Variants in NIN observed in about 807,000 individuals in gnomAD.
NIN encodes the protein glycogen synthase kinase 3 beta-interacting protein.
NIN carries 137 observed loss-of-function variants against 257.6 expected under a neutral mutation model. The observed-to-expected ratio is 0.53, with a 90% CI of 0.46 to 0.61. The LOEUF (loss-of-function observed/expected upper bound fraction) is 0.61. NIN is among the 20% of genes least tolerant of loss of function. NIN has a pLI of 0.00. For missense variants in NIN, 2,439 were observed against 2,501.2 expected, an observed-to-expected ratio of 0.98 and a Z score of 0.53; for synonymous variants, 918 against 919.8, an observed-to-expected ratio of 1.00 and a Z score of 0.04.
rs551403670 is a variant in NIN at position 50,804,625 on chromosome 14, C to A, written c.265+2112G>T. ...TGAGGCAGACACATAACTATGAAAC[C>A]ACCATCTGGAGCCAGATTTATAAAT... is the stretch of plus-strand genomic sequence containing the variant. On this transcript the variant is annotated intron_variant, in intron 4 of 30. Coordinates refer to ENST00000530997, the MANE Select transcript of NIN (RefSeq NM_020921.4). 1.3e-3 allele frequency among the ~76,000 whole-genome samples: 205 copies of A among 152,206 alleles called. 2 individuals carry two copies. The highest frequency in any genetic ancestry group is 3.8e-4 in the Non-Finnish European group (26 of 68,010).
Position 50,729,512 on chromosome 14 carries a change from G to A in NIN, c.6078+11C>T. On this transcript the variant is annotated intron_variant, in intron 29 of 30. Transcript: ENST00000530997. ...AACAGGTGATCTACTAGAGTAGAGA[G>A]AGCTTCATACCTGTGGTGTGTTGGT... The A allele has an allele frequency of 6.2e-7, 1 of 1,610,198 alleles. No individual in the cohort carries two copies.
chr14:50,742,550 C>A (rs56273711), intron 24 of NIN, among the ~76,000 whole-genome samples: 6,464 of 151,996 alleles, frequency 0.043, 197 homozygotes, highest in Non-Finnish European at 0.07. Flanking sequence ...CTTGCCACCG[C>A]GCTCGGCTAA....
At position 50,776,960 on chromosome 14, in the gene NIN, C is replaced by A. The variant is rs1185253688; in HGVS notation, c.655G>T (p.Val219Leu). ...ACTGCGAGGCTTACCTCTCCATCCA[C>A]ATTCTGTAAACCATACTGCTCACAG... ...SICEQYGLQN[V>L]DGEMLEEVFH... Residue 219 changes from valine (V) to leucine (L), a missense_variant, in exon 7 of 31, where the codon GTG becomes TTG. Transcript: ENST00000530997. 1 of 1,611,734 alleles carries A rather than the reference C, an allele frequency of 6.2e-7. No individual in the cohort carries two copies. Among genetic ancestry groups the A allele is most frequent in the Non-Finnish European group, 8.5e-7 (1 of 1,179,096 alleles).
intron 25 of NIN, among the ~76,000 whole-genome samples, chr14:50,740,758 A>T (rs1158235196): frequency 6.6e-6 from 1 of 152,230 alleles, no homozygotes; most frequent in Non-Finnish European, 1.5e-5. Context: ...CTGGGATTAC[A>T]GGCATGAGCC....
chr14:50,807,347 T>C (rs562974912), intron 3 of NIN, among the ~76,000 whole-genome samples: 11 of 152,310 alleles, frequency 7.2e-5, no homozygotes, highest in African/African-American at 2.4e-4. Flanking sequence ...CAAAAATCAA[T>C]AGCAAATGCA....
At chr14:50,823,243 T>A (rs745720142) in intron 2 of NIN, 1 of 576,372 alleles carries the variant, frequency 1.7e-6, no homozygotes, top group Non-Finnish European at 3.5e-6. Context: ...TGAAGATGCC[T>A]TCGCCATGAT....
Position 50,723,421 on chromosome 14 carries a change from T to C in NIN, c.*42A>G, listed in dbSNP as rs761207581. On this transcript the variant is annotated 3_prime_UTR_variant, in exon 31 of 31. Coordinates refer to ENST00000530997, the MANE Select transcript of NIN (RefSeq NM_020921.4). ...GAGAACCTACTGAAATGTTCATCTA[T>C]TTCAGTAAAGTGCACAAATATGAGT... The C allele has an allele frequency of 1.3e-6, 2 of 1,551,898 alleles. No individual in the cohort carries two copies. The highest frequency in any genetic ancestry group is 2.2e-5 in the South Asian group (2 of 88,916).
At chr14:50,800,178 T>C (rs1357875470) in intron 4 of NIN, among the ~76,000 whole-genome samples, 1 of 152,174 alleles carries the variant, frequency 6.6e-6, no homozygotes, top group East Asian at 1.9e-4. Flanking sequence ...ATTTCCCACA[T>C]AAGTATTCTT....
intron 5 of NIN, among the ~76,000 whole-genome samples, chr14:50,781,454 C>G (rs2043131522): frequency 6.6e-6 from 1 of 152,202 alleles, no homozygotes; most frequent in Non-Finnish European, 1.5e-5. Context: ...ATAGTGAGCA[C>G]AGAATTCAAA....
At chr14:50,802,759 T>A (rs2044153560) in intron 4 of NIN, among the ~76,000 whole-genome samples, 1 of 152,184 alleles carries the variant, frequency 6.6e-6, no homozygotes, top group Non-Finnish European at 1.5e-5. Flanking sequence ...CAAAGACCAC[T>A]AAGGTCATGA....
rs1320997649 is a variant in NIN, at chr14:50,752,587, G to C, written c.4881C>G (p.Asn1627Lys). The change falls in exon 21 of 31, where the codon AAC becomes AAG. Residue 1627 changes from asparagine (N) to lysine (K), a missense_variant. This residue lies in a region of NIN where 2,043 missense variants were observed against 2,050.2 expected (regional missense o/e 1.00). Coordinates refer to ENST00000530997, the MANE Select transcript of NIN (RefSeq NM_020921.4). ...CTTGTTCCCGTTCCTCCAATGCACTGTTTCCTGGCTCTTTTTCCTTCTGGC... is the reference window on the plus strand; with the variant it reads ...CTTGTTCCCGTTCCTCCAATGCACTCTTTCCTGGCTCTTTTTCCTTCTGGC... The part of the protein sequence containing the change: ...MLCQKEKEPG[N>K]SALEEREQEK... The C allele has an allele frequency of 1.2e-6, 2 of 1,613,996 alleles. No homozygotes were observed. The highest frequency in any genetic ancestry group is 2.2e-5 in the East Asian group (1 of 44,864).
intron 7 of NIN, among the ~76,000 whole-genome samples, chr14:50,774,400 T>C (rs2042843165): frequency 6.6e-6 from 1 of 152,222 alleles, no homozygotes; most frequent in Non-Finnish European, 1.5e-5. Flanking sequence ...GAAACATTAG[T>C]TTCCATTCTT....
At chr14:50,788,690 GACTGTCT>G (rs1252924837) in intron 5 of NIN, among the ~76,000 whole-genome samples, 2 of 152,194 alleles carry the variant, frequency 1.3e-5, no homozygotes, top group African/African-American at 4.8e-5. Context: ...CTTTTCAGAT[GACTGTCT>G]GCTCACTAAT....
intron 27 of NIN, 43 bp downstream of exon 27, chr14:50,738,097 T>C (rs767383610): frequency 1.6e-5 from 25 of 1,599,268 alleles, no homozygotes; most frequent in Non-Finnish European, 2.0e-5. Context: ...GAACGCATTA[T>C]AGTGAGAACA....
chr14:50,798,063 C>T (rs2043921988), intron 4 of NIN, among the ~76,000 whole-genome samples: 2 of 152,144 alleles, frequency 1.3e-5, no homozygotes, highest in African/African-American at 2.4e-5. Context: ...TCAGCAGAAG[C>T]TTTCTGACAT....
intron 5 of NIN, among the ~76,000 whole-genome samples, chr14:50,789,353 T>G (rs2043482839): frequency 1.4e-5 from 2 of 145,468 alleles, no homozygotes; most frequent in Admixed American, 1.4e-4. Context: ...GGCAGGTGGA[T>G]CATGAGGTCA....
chr14:50,735,769 G>C, intron 27 of NIN, 152 bp from the exon 28 acceptor site: 1 of 1,044,712 alleles, frequency 9.6e-7, no homozygotes, highest in Non-Finnish European at 1.3e-6. Flanking sequence ...ACAATTCAGT[G>C]TATTGCTTAC....
In NIN at chr14:50,757,627, C is replaced by T. The variant is rs150722174; in HGVS notation, c.3403G>A (p.Val1135Ile). 149 of 1,614,058 alleles carry T rather than the reference C, an allele frequency of 9.2e-5. No individual in the cohort carries two copies. Among genetic ancestry groups the T allele is most frequent in the Non-Finnish European group, 1.2e-4 (145 of 1,180,044 alleles). Residue 1135 changes from valine to isoleucine, a missense_variant, in exon 18 of 31, where the codon GTA (valine) becomes ATA (isoleucine). Around this residue, in one of 3 missense-constraint regions of NIN, gnomAD observed 2,043 missense variants for 2,050.2 expected, o/e 1.00. Transcript: ENST00000530997. ...ACATGCCGCCTGGTCACACCTTCTACTTGCTTCGTTCGGTTTTGCTGTAAA... is the reference window on the plus strand; with the variant it reads ...ACATGCCGCCTGGTCACACCTTCTATTTGCTTCGTTCGGTTTTGCTGTAAA... ...QFLQQNRTKQ[V>I]EGVTRRHVLS...
Position 50,738,246 on chromosome 14 carries a change from T to C in NIN, c.5669A>G (p.Lys1890Arg). Residue 1890 changes from lysine (K) to arginine (R), a missense_variant, in exon 27 of 31, where the codon AAA becomes AGA. Around this residue, in one of 3 missense-constraint regions of NIN, gnomAD observed 2,043 missense variants for 2,050.2 expected, o/e 1.00. Transcript: ENST00000530997. ...LESNLLPKHQ[K>R]HLNPSGTMNP... ...CATGGTACCTGATGGGTTTAGATGT[T>C]TTTGGTGCTTGGGAAGAAGATTGGA... 6.2e-7 allele frequency: 1 copy of C among 1,614,058 alleles called. No individual in the cohort carries two copies.
Sources: gnomAD v4.1 joint callset for allele counts (sites outside exome capture counted in the v4.1 genomes callset) on GRCh38, gnomAD v4.1.1 for gene constraint, gnomAD v4.1.1 regional missense constraint, MANE v1.5 for transcripts, NCBI Gene and HGNC (gene_info 2026-07-23, HGNC 2026-07-21) for gene names.